Variants in GRID1 observed in about 807,000 individuals in gnomAD.
GRID1 encodes glutamate ionotropic receptor delta type subunit 1.
In GRID1, 28 loss-of-function variants were observed where a neutral mutation model predicts 98.0. The ratio of observed to expected loss-of-function variants is 0.29; its 90% CI spans 0.21 to 0.39. The LOEUF (loss-of-function observed/expected upper bound fraction) is 0.39. GRID1 is among the 10% of genes least tolerant of loss of function. The pLI, the probability that GRID1 is intolerant of heterozygous loss-of-function variation, is 1.00. For synonymous variants in GRID1, 553 were observed against 538.5 expected (o/e 1.03, Z -0.37); for missense variants, 1,111 against 1,340.5 (o/e 0.83, Z 2.67).
intron 4 of GRID1, among the ~76,000 whole-genome samples, chr10:86,058,014 GT>G (rs1231767736): frequency 6.6e-6 from 1 of 152,198 alleles, no homozygotes; most frequent in Non-Finnish European, 1.5e-5. Flanking sequence ...TAGGTTAGGT[GT>G]CCCCAGAAGC....
At chr10:85,915,031 G>A (rs1841593263) in intron 5 of GRID1, among the ~76,000 whole-genome samples, 1 of 152,118 alleles carries the variant, frequency 6.6e-6, no homozygotes, top group Admixed American at 6.5e-5. Flanking sequence ...AGGAGGCCAG[G>A]GCCAGACAGG....
At chr10:85,837,866 C>T (rs1033591070) in intron 8 of GRID1, among the ~76,000 whole-genome samples, 4 of 152,060 alleles carry the variant, frequency 2.6e-5, no homozygotes, top group Non-Finnish European at 5.9e-5. Context: ...ACAAAGCTCA[C>T]GAAGCTACAG....
intron 4 of GRID1, among the ~76,000 whole-genome samples, chr10:86,036,159 A>C (rs572337446): frequency 6.6e-6 from 1 of 152,218 alleles, no homozygotes; most frequent in African/African-American, 2.4e-5. Context: ...CCCCAGGCCT[A>C]GCCTGCTAAG....
intron 2 of GRID1, among the ~76,000 whole-genome samples, chr10:86,299,240 C>T (rs963018763): frequency 1.4e-5 from 2 of 145,746 alleles, no homozygotes; most frequent in African/African-American, 2.5e-5. Flanking sequence ...TTTATTCATC[C>T]TACATAACAT....
At chr10:85,862,990 A>G (rs922031355) in intron 6 of GRID1, among the ~76,000 whole-genome samples, 6 of 152,128 alleles carry the variant, frequency 3.9e-5, no homozygotes, top group Non-Finnish European at 5.9e-5. Context: ...AGGGGCTTCA[A>G]AGGCTGAATC....
At chr10:86,046,051 A>G (rs949826772) in intron 4 of GRID1, among the ~76,000 whole-genome samples, 3 of 152,100 alleles carry the variant, frequency 2.0e-5, no homozygotes, top group Admixed American at 6.5e-5. Flanking sequence ...ACTAGCTAAA[A>G]CAGGGATGGG....
At chr10:86,327,274 T>C (rs1848066207) in intron 2 of GRID1, among the ~76,000 whole-genome samples, 1 of 152,224 alleles carries the variant, frequency 6.6e-6, no homozygotes, top group African/African-American at 2.4e-5. Context: ...AAAATCCCAC[T>C]GCTTAGAGGA....
At chr10:85,898,572 T>A (rs1282838086) in intron 5 of GRID1, among the ~76,000 whole-genome samples, 2 of 152,194 alleles carry the variant, frequency 1.3e-5, no homozygotes, top group Non-Finnish European at 2.9e-5. Context: ...ATACTTATTC[T>A]ATAAGCTTTT....
In GRID1 at chr10:85,815,245, C is replaced by T. The variant is rs180827249; in HGVS notation, c.1233+39251G>A. ...AACTAAGAACAGAAGGAAACTTCCA[C>T]GACTTAATAAAAGACATCTTTTTAA... On this transcript the variant is annotated intron_variant, in intron 8 of 15. Transcript: ENST00000327946. 6.1e-4 allele frequency among the ~76,000 whole-genome samples: 93 copies of T among 152,092 alleles called. 1 individual carries two copies. The highest frequency in any genetic ancestry group is 2.1e-3 in the African/African-American group (88 of 41,562).
At chr10:85,797,919 T>G (rs1842540627) in intron 8 of GRID1, among the ~76,000 whole-genome samples, 1 of 152,214 alleles carries the variant, frequency 6.6e-6, no homozygotes. Context: ...TCATTCTTTT[T>G]TATAGTTGCA....
intron 3 of GRID1, among the ~76,000 whole-genome samples, chr10:86,205,596 C>T (rs1004259449): frequency 1.6e-4 from 24 of 152,170 alleles, no homozygotes; most frequent in Non-Finnish European, 2.6e-4. Context: ...GTGAAGGGCA[C>T]GCTGGATCTC....
intron 4 of GRID1, among the ~76,000 whole-genome samples, chr10:85,964,382 T>C (rs1393273756): frequency 6.6e-6 from 1 of 152,146 alleles, no homozygotes; most frequent in Non-Finnish European, 1.5e-5. Flanking sequence ...GCTACCTGAC[T>C]TCAAACTATA....
Position 85,854,505 on chromosome 10 carries a change from G to A in GRID1, c.1224C>T (p.Asp408=), listed in dbSNP as rs1191009782. ...GGAGCCTGAGGCTTACCTTGCGCAT[G>A]TCTTTGCCAAAAGTCTCACTATAGG... The part of the protein sequence containing the change: ...GTTYSETFGK[D]MRKLATWDSE... Residue 408 remains aspartate, a synonymous_variant, in exon 8 of 16, where the codon GAC becomes GAT. Transcript: ENST00000327946. 1.2e-6 allele frequency: 2 copies of A among 1,613,836 alleles called. No individual in the cohort carries two copies. The highest frequency in any genetic ancestry group is 1.7e-6 in the Non-Finnish European group (2 of 1,179,714).
chr10:86,181,600 CTTGA>C (rs1845656405), intron 3 of GRID1, among the ~76,000 whole-genome samples: 1 of 152,152 alleles, frequency 6.6e-6, no homozygotes, highest in Admixed American at 6.5e-5. Context: ...TCCACCCTTC[CTTGA>C]AGTATAGACA....
chr10:86,165,300 CA>C, intron 3 of GRID1, among the ~76,000 whole-genome samples: 1 of 152,306 alleles, frequency 6.6e-6, no homozygotes, highest in South Asian at 2.1e-4. Context: ...ATGGTTGTGT[CA>C]AAGCATCTGC....
At position 85,599,802 on chromosome 10, in the gene GRID1, A is replaced by AAAAAAAAAAAAAAAAATATATATAT; in HGVS notation, c.*2470_*2471insATATATATATTTTTTTTTTTTTTTT. On this transcript the variant is annotated 3_prime_UTR_variant, in exon 16 of 16. Coordinates refer to ENST00000327946, the MANE Select transcript of GRID1 (RefSeq NM_017551.3). The stretch of plus-strand genomic sequence containing the variant: ...GTAGAAAATTCTAAAAAAAAAAAAA[A>AAAAAAAAAAAAAAAAATATATATAT]ATATATATATATATATATAAACATG... The AAAAAAAAAAAAAAAAATATATATAT allele has an allele frequency of 1.5e-5, 1 of 65,000 alleles. No homozygotes were observed. The highest frequency in any genetic ancestry group is 9.3e-5 in the African/African-American group (1 of 10,730). The allele number at this position is 65,000 out of a possible 1,614,324, so 4.0% of individuals were successfully genotyped here.
chr10:85,831,326 T>A (rs1024896037), intron 8 of GRID1, among the ~76,000 whole-genome samples: 1 of 152,050 alleles, frequency 6.6e-6, no homozygotes, highest in African/African-American at 2.4e-5. Flanking sequence ...AAGCTACCTA[T>A]CAGGTACTAT....
At chr10:85,817,531 TAAC>T (rs1406762166) in intron 8 of GRID1, among the ~76,000 whole-genome samples, 3 of 150,510 alleles carry the variant, frequency 2.0e-5, no homozygotes, top group South Asian at 2.1e-4. Flanking sequence ...ATCTCAATAA[TAAC>T]AACATTAAAA....
chr10:85,625,879 T>C (rs889791487), intron 13 of GRID1, among the ~76,000 whole-genome samples: 1 of 152,216 alleles, frequency 6.6e-6, no homozygotes, highest in Non-Finnish European at 1.5e-5. Context: ...TTGCCTTTTG[T>C]TGCTCCACTG....
Sources: allele counts gnomAD v4.1 joint callset (sites outside exome capture counted in the v4.1 genomes callset), GRCh38; gene constraint gnomAD v4.1.1; transcripts MANE v1.5; gene names NCBI Gene and HGNC (gene_info 2026-07-23, HGNC 2026-07-21).